CIB4: variants seen among roughly 807,000 people sequenced by gnomAD.
The protein encoded by CIB4 is calcium and integrin-binding family member 4.
In CIB4, 25 loss-of-function variants were observed where a neutral mutation model predicts 25.8. That is an observed-to-expected ratio of 0.97 (90% CI 0.71 to 1.35). The LOEUF (loss-of-function observed/expected upper bound fraction) is 1.35. Among genes scored for constraint, CIB4 ranks in the 40% most tolerant of loss-of-function variants. The probability of loss-of-function intolerance (pLI) is 0.00; values close to 1 mark genes in which losing one functional copy is unlikely to be tolerated. For missense variants in CIB4, 235 were observed against 228.2 expected, an observed-to-expected ratio of 1.03 and a Z score of -0.19; for synonymous variants, 75 against 81.4, an observed-to-expected ratio of 0.92 and a Z score of 0.42.
intron 2 of CIB4, among the ~76,000 whole-genome samples, chr2:26,634,349 C>A (rs2148227112): frequency 6.6e-6 from 1 of 152,256 alleles, no homozygotes; most frequent in South Asian, 2.1e-4. Flanking sequence ...CTTTTAGTTC[C>A]CTGATCTGCT....
At chr2:26,593,415 C>T (rs550503851) in intron 4 of CIB4, among the ~76,000 whole-genome samples, 1 of 148,174 alleles carries the variant, frequency 6.7e-6, no homozygotes, top group African/African-American at 2.6e-5. Context: ...CACATATATA[C>T]ACACACATAT....
At chr2:26,603,174 T>C (rs1473757892) in intron 3 of CIB4, among the ~76,000 whole-genome samples, 1 of 152,104 alleles carries the variant, frequency 6.6e-6, no homozygotes, top group African/African-American at 2.4e-5. Context: ...AAACACCTGG[T>C]CTGTGCTCTC....
At chr2:26,617,145 T>TGTGTGTGTGTGTGTGTGTGTGTGTGC (rs1381689008) in intron 3 of CIB4, among the ~76,000 whole-genome samples, 9 of 139,026 alleles carry the variant, frequency 6.5e-5, no homozygotes, top group African/African-American at 2.3e-4. Context: ...TGTGTGTGTG[T>TGTGTGTGTGTGTGTGTGTGTGTGTGC]GTGCACGTGA....
rs141414394 is a variant in CIB4, at chr2:26,628,992, G to A, written c.186+418C>T. ...GGGGTGAGGGTTAAGTAAGGAATGA[G>A]CAAACAGAGTGGGGTGGACTGCAAG... is the stretch of plus-strand genomic sequence containing the variant. On this transcript the variant is annotated intron_variant, in intron 3 of 6. Transcript: ENST00000288861. Among the ~76,000 whole-genome samples, 241 of 152,272 alleles carry A rather than the reference G, an allele frequency of 1.6e-3. 1 individual carries two copies. The highest frequency in any genetic ancestry group is 5.5e-3 in the African/African-American group (229 of 41,564).
At chr2:26,615,281 T>C (rs1558566921) in intron 3 of CIB4, among the ~76,000 whole-genome samples, 1 of 152,138 alleles carries the variant, frequency 6.6e-6, no homozygotes. Context: ...CCAGACAGCA[T>C]GAAACAGGAG....
At chr2:26,613,304 A>T (rs1416142975) in intron 3 of CIB4, among the ~76,000 whole-genome samples, 2 of 152,120 alleles carry the variant, frequency 1.3e-5, no homozygotes, top group Non-Finnish European at 2.9e-5. Context: ...TTGGGGCCAA[A>T]TCTAATTCCT....
intron 2 of CIB4, among the ~76,000 whole-genome samples, chr2:26,630,353 C>T (rs1260808458): frequency 1.3e-5 from 2 of 152,190 alleles, no homozygotes; most frequent in Non-Finnish European, 2.9e-5. Context: ...GACAGTGGTG[C>T]CCTGGGGCCC....
intron 3 of CIB4, among the ~76,000 whole-genome samples, chr2:26,596,509 C>G (rs189440048): frequency 6.6e-6 from 1 of 152,020 alleles, no homozygotes; most frequent in Non-Finnish European, 1.5e-5. Flanking sequence ...TTTGGGTGGC[C>G]GAGGCAGGTG....
chr2:26,583,189 C>G (rs1402097345), intron 5 of CIB4, among the ~76,000 whole-genome samples: 1 of 152,228 alleles, frequency 6.6e-6, no homozygotes, highest in African/African-American at 2.4e-5. Flanking sequence ...CCAGTACACA[C>G]AGGGGCTCTG....
chr2:26,584,553 G>T (rs1334809562), intron 4 of CIB4, among the ~76,000 whole-genome samples: 1 of 152,216 alleles, frequency 6.6e-6, no homozygotes, highest in Non-Finnish European at 1.5e-5. Context: ...CCCTCAAAGG[G>T]TTAAGGGGAC....
At position 26,616,020 on chromosome 2, in the gene CIB4, G is replaced by A. The variant is rs1366463715; in HGVS notation, c.186+13390C>T. On this transcript the variant is annotated intron_variant, in intron 3 of 6. Transcript: ENST00000288861. Reference sequence around the variant, plus strand: ...CCAGCGCTGGGGGGCGGTGGGGGGTGAGCACTGGAGAGCAAGGCTGCCGAT... The same window carrying A: ...CCAGCGCTGGGGGGCGGTGGGGGGTAAGCACTGGAGAGCAAGGCTGCCGAT... 2.0e-5 allele frequency among the ~76,000 whole-genome samples: 3 copies of A among 152,246 alleles called. No individual in the cohort carries two copies. The East Asian group carries it at 5.8e-4, about 29-fold the overall frequency.
At chr2:26,635,749 C>G (rs895451673) in intron 2 of CIB4, among the ~76,000 whole-genome samples, 2 of 152,128 alleles carry the variant, frequency 1.3e-5, no homozygotes, top group Non-Finnish European at 2.9e-5. Flanking sequence ...TCCCCAGGGC[C>G]CCACCAAGAA....
rs1179276215 is a variant in CIB4 at position 26,638,075 on chromosome 2, G to A, written c.89+2458C>T. Among the ~76,000 whole-genome samples, 4 of 152,204 alleles carry A rather than the reference G, an allele frequency of 2.6e-5. No individual in the cohort carries two copies. The East Asian group carries it at 7.7e-4, about 29-fold the overall frequency. Reference sequence around the variant, plus strand: ...CTGAGCAGGAGCTACCCAGGGGCAGGCACAGGCCCTTCATGCTCAGGAATG... The same window carrying A: ...CTGAGCAGGAGCTACCCAGGGGCAGACACAGGCCCTTCATGCTCAGGAATG... On this transcript the variant is annotated intron_variant, in intron 2 of 6. Coordinates refer to ENST00000288861, the MANE Select transcript of CIB4 (RefSeq NM_001029881.3).
At chr2:26,611,442 T>C (rs1259669912) in intron 3 of CIB4, among the ~76,000 whole-genome samples, 1 of 152,244 alleles carries the variant, frequency 6.6e-6, no homozygotes, top group African/African-American at 2.4e-5. Context: ...GCTCCATCTT[T>C]TATCACTGAT....
At chr2:26,600,642 G>A (rs1385695596) in intron 3 of CIB4, among the ~76,000 whole-genome samples, 1 of 152,142 alleles carries the variant, frequency 6.6e-6, no homozygotes, top group Non-Finnish European at 1.5e-5. Context: ...GCTGTGTAAG[G>A]TTAGGTGAGC....
intron 3 of CIB4, among the ~76,000 whole-genome samples, chr2:26,599,551 T>A (rs1572549082): frequency 6.6e-6 from 1 of 152,072 alleles, no homozygotes; most frequent in African/African-American, 2.4e-5. Flanking sequence ...CTGGAAAAAA[T>A]TCACACAAAA....
intron 3 of CIB4, among the ~76,000 whole-genome samples, chr2:26,616,143 G>T (rs1003609879): frequency 1.3e-5 from 2 of 152,214 alleles, no homozygotes; most frequent in Non-Finnish European, 2.9e-5. Context: ...TCCTCAAACA[G>T]TTACCTTGAG....
At chr2:26,593,305 T>C (rs961053559) in intron 4 of CIB4, among the ~76,000 whole-genome samples, 2 of 147,748 alleles carry the variant, frequency 1.4e-5, no homozygotes, top group African/African-American at 5.3e-5. Context: ...TATGTAGAGA[T>C]ATGTGTGTGT....
chr2:26,629,271 A>G (rs1669368746), intron 3 of CIB4, 139 bp downstream of exon 3: 1 of 638,260 alleles, frequency 1.6e-6, no homozygotes, highest in Non-Finnish European at 2.8e-6. Flanking sequence ...CTCTGCCTGG[A>G]GGATCAGGAG....
Sources: gnomAD v4.1 joint callset for allele counts (sites outside exome capture counted in the v4.1 genomes callset) on GRCh38, gnomAD v4.1.1 for gene constraint, MANE v1.5 for transcripts, NCBI Gene and HGNC (gene_info 2026-07-23, HGNC 2026-07-21) for gene names.